Variants in MYLK4 observed in about 807,000 individuals in gnomAD.
MYLK4 encodes the protein caMLCK like.
MYLK4 carries 46 observed loss-of-function variants against 48.1 expected under a neutral mutation model. That is an observed-to-expected ratio of 0.96 (90% CI 0.75 to 1.22). The LOEUF (loss-of-function observed/expected upper bound fraction) is 1.22, where lower values mean the gene tolerates loss of function less well. Ranked by LOEUF, MYLK4 falls within the 50% of genes most tolerant of loss-of-function variation. The pLI is 0.00. For synonymous variants in MYLK4, 170 were observed against 180.8 expected, an observed-to-expected ratio of 0.94 and a Z score of 0.48; for missense variants, 451 against 486.1, an observed-to-expected ratio of 0.93 and a Z score of 0.68.
At chr6:2,758,843 G>A in the MYLK4 span, among the ~76,000 whole-genome samples, 1 of 151,966 alleles carries the variant, frequency 6.6e-6, no homozygotes, top group East Asian at 1.9e-4. Flanking sequence ...ATAATATTTT[G>A]TTGTATGAAT....
rs183139839 is a variant in MYLK4 at position 2,687,648 on chromosome 6, C to T, written c.341+1203G>A. Reference sequence around the variant, plus strand: ...TCCTGTTTCTCCCTCAGCCCATCCCCGCAGTCTCATGGGGCATTCTATGAG... The same window carrying T: ...TCCTGTTTCTCCCTCAGCCCATCCCTGCAGTCTCATGGGGCATTCTATGAG... On this transcript the variant is annotated intron_variant, in intron 4 of 12. Coordinates refer to ENST00000274643, the MANE Select transcript of MYLK4 (RefSeq NM_001012418.5). 2.8e-3 allele frequency among the ~76,000 whole-genome samples: 419 copies of T among 152,286 alleles called. 9 individuals carry two copies. Among genetic ancestry groups the T allele is most frequent in the Middle Eastern group, 0.014 (4 of 294 alleles).
intron 9 of MYLK4, 134 bp from the exon 10 acceptor site, chr6:2,678,506 C>T (rs1403437932): frequency 3.0e-6 from 3 of 993,006 alleles, no homozygotes; most frequent in South Asian, 1.8e-5. Context: ...AATTTTATAA[C>T]ATATTATTGT....
chr6:2,691,648 C>G (rs766711790), intron 3 of MYLK4, among the ~76,000 whole-genome samples: 4 of 152,028 alleles, frequency 2.6e-5, no homozygotes, highest in Non-Finnish European at 5.9e-5. Flanking sequence ...AATTCTTGTC[C>G]TTAGGAAGGA....
At chr6:2,698,955 A>G (rs1359075754) in intron 2 of MYLK4, among the ~76,000 whole-genome samples, 1 of 152,206 alleles carries the variant, frequency 6.6e-6, no homozygotes, top group Non-Finnish European at 1.5e-5. Flanking sequence ...GAAAGTGTTC[A>G]CCTGTTCTCA....
intron 2 of MYLK4, among the ~76,000 whole-genome samples, chr6:2,695,094 A>C (rs907519907): frequency 1.3e-5 from 2 of 152,238 alleles, no homozygotes; most frequent in Non-Finnish European, 2.9e-5. Context: ...GAGAAGCAAA[A>C]AAAGGAGAGA....
chr6:2,702,748 A>T (rs1238251973), intron 2 of MYLK4, among the ~76,000 whole-genome samples: 6 of 152,248 alleles, frequency 3.9e-5, no homozygotes, highest in African/African-American at 1.4e-4. Context: ...AAAACTTCAC[A>T]CCGTGCCCCA....
chr6:2,688,572 A>G (rs149366541), intron 4 of MYLK4, among the ~76,000 whole-genome samples: 1 of 152,300 alleles, frequency 6.6e-6, no homozygotes, highest in East Asian at 1.9e-4. Flanking sequence ...AGGCTGCACT[A>G]TGGCTTTGGA....
At chr6:2,694,158 A>G (rs1026183663) in intron 2 of MYLK4, among the ~76,000 whole-genome samples, 4 of 152,092 alleles carry the variant, frequency 2.6e-5, no homozygotes, top group Non-Finnish European at 5.9e-5. Flanking sequence ...TGTTTAGTAA[A>G]TCTGTGGAAA....
At chr6:2,716,446 C>G (rs889585783) in intron 2 of MYLK4, among the ~76,000 whole-genome samples, 1 of 152,220 alleles carries the variant, frequency 6.6e-6, no homozygotes, top group Non-Finnish European at 1.5e-5. Flanking sequence ...TCACAAGAAG[C>G]TATTGACTGT....
intron 2 of MYLK4, among the ~76,000 whole-genome samples, chr6:2,721,301 A>C (rs529568909): frequency 2.6e-5 from 4 of 152,362 alleles, no homozygotes; most frequent in African/African-American, 9.6e-5. Flanking sequence ...TACCACTGTG[A>C]AATTTCAGAA....
chr6:2,765,558 G>C, the MYLK4 span: 2 of 1,380,494 alleles, frequency 1.4e-6, no homozygotes, highest in Admixed American at 6.9e-5. Context: ...GGAGGGCATC[G>C]AAGGCCTCCG....
chr6:2,682,624 G>A (rs1312306931), intron 7 of MYLK4, among the ~76,000 whole-genome samples: 1 of 152,128 alleles, frequency 6.6e-6, no homozygotes, highest in Admixed American at 6.5e-5. Context: ...AGCTGCCGGC[G>A]ATTCTTGGAG....
the MYLK4 span, chr6:2,768,780 T>A: frequency 1.2e-6 from 2 of 1,614,020 alleles, no homozygotes; most frequent in Non-Finnish European, 1.7e-6. Context: ...AGACAAATGA[T>A]GTGCGAGATG....
At chr6:2,702,182 G>A (rs1762311694) in intron 2 of MYLK4, among the ~76,000 whole-genome samples, 1 of 152,170 alleles carries the variant, frequency 6.6e-6, no homozygotes, top group Non-Finnish European at 1.5e-5. Flanking sequence ...TAGGTATCAT[G>A]TGCCTGGAAC....
At position 2,673,028 on chromosome 6, in the gene MYLK4, T is replaced by G. The variant is rs1328192945; in HGVS notation, c.1120-1680A>C. Reference sequence around the variant, plus strand: ...ATTAAAAAAAACCCATCATCACTCTTGAACTATCTATTCACCTCAGGTACC... The same window carrying G: ...ATTAAAAAAAACCCATCATCACTCTGGAACTATCTATTCACCTCAGGTACC... On this transcript the variant is annotated intron_variant, in intron 11 of 12. Transcript: ENST00000274643. This position sits in a 1 kb window ranked among gnomAD's most constrained non-coding sequence, Gnocchi z 4.2. Among the ~76,000 whole-genome samples the G allele has an allele frequency of 6.6e-6, 1 of 152,246 alleles. No homozygotes were observed. Among genetic ancestry groups the G allele is most frequent in the African/African-American group, 2.4e-5 (1 of 41,466 alleles).
In MYLK4 at chr6:2,685,169, C is replaced by T. The variant is rs780249271; in HGVS notation, c.545+127G>A. On this transcript the variant is annotated intron_variant, in intron 6 of 12. Transcript: ENST00000274643. The surrounding 1 kb of genome is among the most constrained non-coding windows in gnomAD (Gnocchi z 4.5). ...AGAACTGATGTGATTGTGTGATCCG[C>T]GCGAATCAGAGTCTGCGGGGGCGAG... The T allele has an allele frequency of 2.6e-5, 18 of 688,158 alleles. No homozygotes were observed. The highest frequency in any genetic ancestry group is 3.2e-5 in the Non-Finnish European group (12 of 375,126). The allele number at this position is 688,158 out of a possible 1,614,324, so 42.6% of individuals were successfully genotyped here. A position where few individuals can be genotyped will look rare whatever the true frequency, so the allele number is the denominator to read the frequency against.
upstream of MYLK4, among the ~76,000 whole-genome samples, chr6:2,751,158 G>T (rs538219836): frequency 1.3e-5 from 2 of 152,164 alleles, no homozygotes; most frequent in Non-Finnish European, 2.9e-5. Context: ...TACAAAGCTA[G>T]ATTTGTCCTC....
the MYLK4 span, among the ~76,000 whole-genome samples, chr6:2,762,821 T>C: frequency 2.0e-5 from 3 of 152,330 alleles, no homozygotes; most frequent in East Asian, 3.9e-4. Context: ...TTAGAGGTCT[T>C]AGGTCAGCAT....
intron 2 of MYLK4, among the ~76,000 whole-genome samples, chr6:2,744,448 T>A (rs573089540): frequency 1.3e-5 from 2 of 152,254 alleles, no homozygotes; most frequent in African/African-American, 4.8e-5. Flanking sequence ...GGGATGGAGG[T>A]GGCGAAATGC....
Sources: allele counts gnomAD v4.1 joint callset (sites outside exome capture counted in the v4.1 genomes callset), GRCh38; gene constraint gnomAD v4.1.1; non-coding constraint Gnocchi (gnomAD v3.1); transcripts MANE v1.5; gene names NCBI Gene and HGNC (gene_info 2026-07-23, HGNC 2026-07-21).